Variants in DNAAF1 observed in about 807,000 individuals in gnomAD.
DNAAF1 encodes the protein dynein axonemal assembly factor 1.
DNAAF1 carries 65 observed loss-of-function variants against 71.1 expected under a neutral mutation model. The ratio of observed to expected loss-of-function variants is 0.91; its 90% CI spans 0.75 to 1.12. DNAAF1 has a LOEUF of 1.12. Among genes scored for constraint, DNAAF1 ranks in the 50% most tolerant of loss-of-function variants. The pLI is 0.00. For synonymous variants in DNAAF1, 414 were observed against 354.6 expected, an observed-to-expected ratio of 1.17 and a Z score of -1.88; for missense variants, 1,178 against 899.8, an observed-to-expected ratio of 1.31 and a Z score of -3.96.
chr16:84,147,958 C>G (rs984613325), intron 1 of DNAAF1, among the ~76,000 whole-genome samples: 3 of 151,984 alleles, frequency 2.0e-5, no homozygotes, highest in Non-Finnish European at 4.4e-5. Flanking sequence ...ATCCTAGCTA[C>G]TTGGGAGGCT....
intron 10 of DNAAF1, chr16:84,175,103 G>A (rs557176330): frequency 9.4e-5 from 26 of 276,660 alleles, no homozygotes; most frequent in East Asian, 9.0e-4. Context: ...TGATCCACCC[G>A]CCTCAGCCTC....
At chr16:84,163,096 G>C (rs1181004980) in intron 6 of DNAAF1, among the ~76,000 whole-genome samples, 1 of 152,224 alleles carries the variant, frequency 6.6e-6, no homozygotes, top group East Asian at 1.9e-4. Context: ...CATTGTATTT[G>C]TCCATCAACT....
At chr16:84,174,783 T>A in intron 10 of DNAAF1, 61 bp downstream of exon 10, 2 of 1,605,242 alleles carry the variant, frequency 1.2e-6, no homozygotes, top group Non-Finnish European at 1.7e-6. Context: ...GTTCTTGTCG[T>A]TTACCGTTTC....
intron 6 of DNAAF1, among the ~76,000 whole-genome samples, chr16:84,163,361 T>C (rs2087805698): frequency 6.7e-6 from 1 of 149,780 alleles, no homozygotes; most frequent in Admixed American, 6.7e-5. Context: ...CTGTCTTTTT[T>C]TTCCTCTCTC....
rs201642155 is a variant in DNAAF1, at chr16:84,155,776, A to G, written c.741+27A>G. 5.8e-5 allele frequency: 93 copies of G among 1,613,382 alleles called. No homozygotes were observed. In the East Asian group the frequency reaches 1.0e-3, roughly 17 times the overall value. On this transcript the variant is annotated intron_variant, in intron 5 of 11. Coordinates refer to ENST00000378553, the MANE Select transcript of DNAAF1 (RefSeq NM_178452.6). ...TAAAAAACAAAAACAAAAACAACGA[A>G]AAAGCACCACAGGAAACCGCTTCTA...
At chr16:84,165,675 T>C in intron 6 of DNAAF1, 108 bp from the exon 7 acceptor site, 3 of 1,068,930 alleles carry the variant, frequency 2.8e-6, no homozygotes, top group South Asian at 2.5e-5. Flanking sequence ...TGCAGTCACA[T>C]GTCTGATGCT....
rs200465349 is a variant in DNAAF1, at chr16:84,148,598, T to C, written c.125-409T>C. Among the ~76,000 whole-genome samples, 405 of 68,520 alleles carry C rather than the reference T, an allele frequency of 5.9e-3. 5 individuals carry two copies. The highest frequency in any genetic ancestry group is 0.023 in the African/African-American group (330 of 14,574). 45.0% of individuals were successfully genotyped at this position (68,520 alleles called of 152,430 possible). A position where few individuals can be genotyped will look rare whatever the true frequency, so the allele number is the denominator to read the frequency against. On this transcript the variant is annotated intron_variant, in intron 1 of 11. Transcript: ENST00000378553. Reference sequence around the variant, plus strand: ...AGATTACTGTTCTCTCTCTCTCTCTTTTTTTTTTTTTTTTTTGGTGAGACG... The same window carrying C: ...AGATTACTGTTCTCTCTCTCTCTCTCTTTTTTTTTTTTTTTTGGTGAGACG...
chr16:84,175,474 G>T, intron 10 of DNAAF1: 1 of 203,910 alleles, frequency 4.9e-6, no homozygotes, highest in Non-Finnish European at 1.0e-5. Flanking sequence ...ATTACCAGGA[G>T]CCCACACGTG....
At chr16:84,174,836 T>G (rs67628212) in intron 10 of DNAAF1, 114 bp downstream of exon 10, 2 of 1,341,262 alleles carry the variant, frequency 1.5e-6, no homozygotes, top group East Asian at 2.4e-5. Context: ...GCATAAAGCA[T>G]TGAATTCCCC....
At chr16:84,168,822 C>CCGCATACACA (rs1555524802) in intron 7 of DNAAF1, among the ~76,000 whole-genome samples, 1 of 42,346 alleles carries the variant, frequency 2.4e-5, no homozygotes, top group African/African-American at 6.6e-5. Flanking sequence ...TACACATTTG[C>CCGCATACACA]CACATACACA....
At position 84,172,327 on chromosome 16, in the gene DNAAF1, A is replaced by C; in HGVS notation, c.1596A>C (p.Glu532Asp). 1.9e-6 allele frequency: 3 copies of C among 1,614,250 alleles called. No individual in the cohort carries two copies. The highest frequency in any genetic ancestry group is 2.5e-6 in the Non-Finnish European group (3 of 1,180,044). The change falls in exon 9 of 12, where the codon GAA becomes GAC. Residue 532 changes from glutamate (E) to aspartate (D), a missense_variant. Transcript: ENST00000378553. Reference sequence around the variant, plus strand: ...CAGAACTTGATGGAACGAGAACGGAAGATTTAGAAACCATTAGACTGGAGA... The same window carrying C: ...CAGAACTTGATGGAACGAGAACGGACGATTTAGAAACCATTAGACTGGAGA... ...FVTELDGTRT[E>D]DLETIRLETK...
chr16:84,170,221 G>C lies in DNAAF1; in HGVS notation c.1393G>C (p.Glu465Gln). ...VKGEDGDQEPEGTLPAETLLL... is the reference protein window; with the variant it reads ...VKGEDGDQEPQGTLPAETLLL... ...AGGAGAGGATGGAGATCAAGAGCCA[G>C]AGGGGACCCTCCCAGCTGAGACCCT... Residue 465 changes from glutamate to glutamine, a missense_variant, in exon 8 of 12, where the codon GAG becomes CAG. By Grantham distance (29) the Glu-to-Gln change is conservative. Transcript: ENST00000378553. 6.2e-7 allele frequency: 1 copy of C among 1,612,372 alleles called. No individual in the cohort carries two copies. Among genetic ancestry groups the C allele is most frequent in the South Asian group, 1.1e-5 (1 of 90,942 alleles).
intron 5 of DNAAF1, chr16:84,159,290 G>A: frequency 9.3e-7 from 1 of 1,078,872 alleles, no homozygotes; most frequent in Non-Finnish European, 1.1e-6. Flanking sequence ...TGGTAAAATG[G>A]ATCCTGGCTG....
Position 84,155,735 on chromosome 16 carries a change from A to G in DNAAF1, c.727A>G (p.Ser243Gly). Residue 243 changes from serine (S) to glycine (G), a missense_variant, in exon 5 of 12, where the codon AGC becomes GGC. Transcript: ENST00000378553. ...CCCGGAGATCCTGAGCATTCTGGAA[A>G]GCATGCCCGATTTGGTAAAAAACAA... is the stretch of plus-strand genomic sequence containing the variant. ...SDPEILSILE[S>G]MPDLRVLNLM... The G allele has an allele frequency of 1.2e-6, 2 of 1,614,186 alleles. No homozygotes were observed. Among genetic ancestry groups the G allele is most frequent in the Non-Finnish European group, 1.7e-6 (2 of 1,180,046 alleles).
rs1310102495 is a variant in DNAAF1, at chr16:84,158,165, A to G, written c.742-1510A>G. ...GCTTGCAGCGACCCGAGATCGCGCCACTACACTCCAGCCTGGGAGACAGGC... is the reference window on the plus strand; with the variant it reads ...GCTTGCAGCGACCCGAGATCGCGCCGCTACACTCCAGCCTGGGAGACAGGC... On this transcript the variant is annotated intron_variant, in intron 5 of 11. Transcript: ENST00000378553. 2.0e-5 allele frequency among the ~76,000 whole-genome samples: 3 copies of G among 152,314 alleles called. No individual in the cohort carries two copies. In the East Asian group the frequency reaches 5.8e-4, roughly 29 times the overall value.
rs757497116 is a variant in DNAAF1 at position 84,165,861 on chromosome 16, G to T, written c.942G>T (p.Arg314=). The change falls in exon 7 of 12, where the codon CGG becomes CGT. Residue 314 remains arginine (R), a synonymous_variant. Transcript: ENST00000378553. ...EERQQWESRE[R]KKITDSIEAL... ...GACAGCAGTGGGAGAGCAGGGAGCG[G>T]AAGAAGATCACAGACAGCATTGAAG... The T allele has an allele frequency of 6.2e-7, 1 of 1,613,314 alleles. No homozygotes were observed. The highest frequency in any genetic ancestry group is 2.2e-5 in the East Asian group (1 of 44,840).
chr16:84,168,030 A>C (rs984364786), intron 7 of DNAAF1, among the ~76,000 whole-genome samples: 4 of 151,096 alleles, frequency 2.6e-5, no homozygotes, highest in East Asian at 1.9e-4. Flanking sequence ...AAAAAAAAAA[A>C]CCCCACAAAT....
At chr16:84,149,690 CA>C (rs11335691) in intron 2 of DNAAF1, among the ~76,000 whole-genome samples, 57,914 of 94,156 alleles carry the variant, frequency 0.62, 15,787 homozygotes, top group East Asian at 0.73. Flanking sequence ...GACTCCATCT[CA>C]AAAAAAAAAA....
chr16:84,172,579 G>C, intron 9 of DNAAF1: 11 of 1,398,256 alleles, frequency 7.9e-6, no homozygotes, highest in Non-Finnish European at 1.0e-5. Context: ...TTCATGCACT[G>C]CCCTAGGTGA....
Sources: allele counts gnomAD v4.1 joint callset (sites outside exome capture counted in the v4.1 genomes callset), GRCh38; gene constraint gnomAD v4.1.1; transcripts MANE v1.5; gene names NCBI Gene and HGNC (gene_info 2026-07-23, HGNC 2026-07-21).